Variants in DZIP1L observed in about 807,000 individuals in gnomAD.
DZIP1L encodes the protein cilium assembly protein DZIP1L.
DZIP1L carries 90 observed loss-of-function variants against 88.7 expected under a neutral mutation model. The observed-to-expected ratio is 1.02, with a 90% confidence interval of 0.86 to 1.21. The LOEUF is 1.21. DZIP1L is among the 50% of genes most tolerant of loss of function. DZIP1L has a pLI of 0.00. For missense variants in DZIP1L, 932 were observed against 955.8 expected (o/e 0.98, Z 0.33); for synonymous variants, 363 against 372.1 (o/e 0.98, Z 0.28).
chr3:138,088,725 A>G (rs1378528686), intron 5 of DZIP1L: 2 of 1,220,970 alleles, frequency 1.6e-6, no homozygotes, highest in South Asian at 3.1e-5. Context: ...AAGCAATTCC[A>G]TGGAAGAACA....
chr3:138,089,012 A>C, intron 5 of DZIP1L: 1 of 985,496 alleles, frequency 1.0e-6, no homozygotes, highest in South Asian at 4.7e-5. Flanking sequence ...TGTGACCTGA[A>C]GAAAAAGGTA....
intron 2 of DZIP1L, among the ~76,000 whole-genome samples, chr3:138,098,079 T>C (rs1158443133): frequency 6.6e-6 from 1 of 152,240 alleles, no homozygotes; most frequent in African/African-American, 2.4e-5. Flanking sequence ...TATTTGATGA[T>C]ACTAAGGAAT....
chr3:138,111,459 C>T (rs2042618533), intron 1 of DZIP1L, among the ~76,000 whole-genome samples: 1 of 152,170 alleles, frequency 6.6e-6, no homozygotes, highest in African/African-American at 2.4e-5. Flanking sequence ...AGTCGCAGTG[C>T]CCACGCTGAC....
chr3:138,106,902 G>A (rs1035774522), intron 1 of DZIP1L, among the ~76,000 whole-genome samples: 5 of 151,444 alleles, frequency 3.3e-5, no homozygotes, highest in Non-Finnish European at 5.9e-5. Context: ...GAGAGAGAAG[G>A]GCCTCCAGGA....
In DZIP1L at chr3:138,088,277, G is replaced by T. The variant is rs115675604; in HGVS notation, c.999+102C>A. On this transcript the variant is annotated intron_variant, in intron 6 of 15. Transcript: ENST00000327532. ...AGAAGGTCTGAAAATATAGAACTTT[G>T]ATGTCCTTCAACTTCTCTACATTCA... is the stretch of plus-strand genomic sequence containing the variant. The T allele has an allele frequency of 2.2e-3, 3,177 of 1,415,162 alleles. 70 individuals carry two copies. In the African/African-American group the frequency reaches 0.041, roughly 18 times the overall value. The allele number at this position is 1,415,162 out of a possible 1,614,324, so 87.7% of individuals were successfully genotyped here. A position where few individuals can be genotyped will look rare whatever the true frequency, so the allele number is the denominator to read the frequency against.
chr3:138,071,365 C>T (rs1306420921), intron 12 of DZIP1L, among the ~76,000 whole-genome samples: 1 of 152,192 alleles, frequency 6.6e-6, no homozygotes, highest in African/African-American at 2.4e-5. Context: ...AGCATGTCTG[C>T]ACAGGGACAG....
rs1174807412 is a variant in DZIP1L at position 138,081,766 on chromosome 3, T to C, written c.1204-2A>G. 1.2e-6 allele frequency: 2 copies of C among 1,613,300 alleles called. No homozygotes were observed. The highest frequency in any genetic ancestry group is 1.7e-6 in the Non-Finnish European group (2 of 1,179,532). On this transcript the variant is annotated splice_acceptor_variant, in intron 8 of 15. Coordinates refer to ENST00000327532, the MANE Select transcript of DZIP1L (RefSeq NM_173543.3). LOFTEE classifies it high-confidence loss of function. ...CTTCCTGAGAGACAAGGACTGGATC[T>C]GCAAAGAGGTGGAATAGAGCGGGTT...
rs377137886 is a variant in DZIP1L at position 138,077,339 on chromosome 3, T to C, written c.1422+160A>G. 5.4e-4 allele frequency among the ~76,000 whole-genome samples: 82 copies of C among 152,246 alleles called. 3 individuals are homozygous for C. The highest frequency in any genetic ancestry group is 3.9e-3 in the East Asian group (20 of 5,180). Reference sequence around the variant, plus strand: ...GAGGAAAGATATCACACTGCCGCTGTGAAGTGAGAAAGGCGTGCAGATGCC... The same window carrying C: ...GAGGAAAGATATCACACTGCCGCTGCGAAGTGAGAAAGGCGTGCAGATGCC... On this transcript the variant is annotated intron_variant, in intron 11 of 15. Coordinates refer to ENST00000327532, the MANE Select transcript of DZIP1L (RefSeq NM_173543.3).
At chr3:138,104,628 CA>C (rs1418684826) in intron 1 of DZIP1L, among the ~76,000 whole-genome samples, 2 of 152,190 alleles carry the variant, frequency 1.3e-5, no homozygotes, top group Non-Finnish European at 2.9e-5. Flanking sequence ...GCTTCTCCAG[CA>C]ATAACGTGTG....
chr3:138,095,072 G>T, intron 3 of DZIP1L, 89 bp from the exon 4 acceptor site: 3 of 1,581,430 alleles, frequency 1.9e-6, no homozygotes, highest in Non-Finnish European at 2.6e-6. Flanking sequence ...GCCATACCTC[G>T]GTCTCAAACC....
chr3:138,071,668 C>T lies in DZIP1L; in HGVS notation c.1590G>A (p.Val530=), dbSNP rs765168818. The change falls in exon 12 of 16, where the codon GTG becomes GTA. Residue 530 remains valine, a synonymous_variant. Coordinates refer to ENST00000327532, the MANE Select transcript of DZIP1L (RefSeq NM_173543.3). ...AKERQENGAV[V]SQPDGQPSVK... The stretch of plus-strand genomic sequence containing the variant: ...CTGAAGGCTGCCCGTCTGGCTGGGA[C>T]ACCACAGCGCCATTCTCCTGTCTCT... 1.2e-6 allele frequency: 2 copies of T among 1,613,810 alleles called. No homozygotes were observed. Among genetic ancestry groups the T allele is most frequent in the Non-Finnish European group, 1.7e-6 (2 of 1,179,776 alleles).
At chr3:138,097,685 G>T in intron 3 of DZIP1L, 78 bp downstream of exon 3, 1 of 1,350,074 alleles carries the variant, frequency 7.4e-7, no homozygotes, top group Non-Finnish European at 1.0e-6. Flanking sequence ...GGTGCTATAG[G>T]TGGTCACCAC....
chr3:138,112,344 C>T (rs899893432), intron 1 of DZIP1L: 4 of 152,118 alleles, frequency 2.6e-5, no homozygotes, highest in Non-Finnish European at 4.4e-5. Context: ...AATTATTTTC[C>T]ATTATGGAAA....
Position 138,063,120 on chromosome 3 carries a change from C to T in DZIP1L, c.2143-143G>A. On this transcript the variant is annotated intron_variant, in intron 15 of 15. Coordinates refer to ENST00000327532, the MANE Select transcript of DZIP1L (RefSeq NM_173543.3). The surrounding 1 kb of genome is among the most constrained non-coding windows in gnomAD (Gnocchi z 4.1). ...AAGAAAGCAATAGGGAGATGCTACT[C>T]CTCCTGACTTCTCAAGTCTTCCTGC... 1.1e-6 allele frequency: 1 copy of T among 893,204 alleles called. No homozygotes were observed. Among genetic ancestry groups the T allele is most frequent in the South Asian group, 1.7e-5 (1 of 57,832 alleles). The allele number at this position is 893,204 out of a possible 1,614,324, so 55.3% of individuals were successfully genotyped here.
At chr3:138,078,769 T>A (rs1943521339) in intron 10 of DZIP1L, among the ~76,000 whole-genome samples, 1 of 152,204 alleles carries the variant, frequency 6.6e-6, no homozygotes, top group African/African-American at 2.4e-5. Flanking sequence ...CACCAGGACA[T>A]GAGCCTCAAC....
intron 12 of DZIP1L, 116 bp downstream of exon 12, chr3:138,071,527 A>G: frequency 8.2e-7 from 1 of 1,214,802 alleles, no homozygotes; most frequent in Non-Finnish European, 1.1e-6. Flanking sequence ...TCAGCCCTTC[A>G]GAGAAGTGCC....
intron 14 of DZIP1L, among the ~76,000 whole-genome samples, chr3:138,065,460 A>C (rs2107729446): frequency 6.6e-6 from 1 of 152,348 alleles, no homozygotes; most frequent in South Asian, 2.1e-4. Context: ...ACCTTGTCCA[A>C]ATACCTCATT....
chr3:138,075,369 C>T (rs1201149439), intron 11 of DZIP1L, among the ~76,000 whole-genome samples: 1 of 152,200 alleles, frequency 6.6e-6, no homozygotes, highest in Non-Finnish European at 1.5e-5. Flanking sequence ...TTCATCAGCA[C>T]ATGGAACATT....
At chr3:138,075,951 C>T (rs1018042253) in intron 11 of DZIP1L, among the ~76,000 whole-genome samples, 8 of 151,738 alleles carry the variant, frequency 5.3e-5, no homozygotes, top group African/African-American at 1.9e-4. Flanking sequence ...GAGCGAGATT[C>T]GTCTCAAAAA....
Sources: gnomAD v4.1 joint callset for allele counts (sites outside exome capture counted in the v4.1 genomes callset) on GRCh38, gnomAD v4.1.1 for gene constraint, Gnocchi (gnomAD v3.1) non-coding constraint, MANE v1.5 for transcripts, NCBI Gene and HGNC (gene_info 2026-07-23, HGNC 2026-07-21) for gene names.